Variants in CCSER1 observed in about 807,000 individuals in gnomAD.
CCSER1 encodes serine-rich coiled-coil domain-containing protein 1.
In CCSER1, 41 loss-of-function variants were observed where a neutral mutation model predicts 82.0. The ratio of observed to expected loss-of-function variants is 0.50; its 90% CI spans 0.39 to 0.65. The LOEUF (loss-of-function observed/expected upper bound fraction) is 0.65, where lower values mean the gene tolerates loss of function less well. CCSER1 is among the 30% of genes least tolerant of loss of function. CCSER1 has a pLI of 0.00. For missense variants in CCSER1, 1,119 were observed against 1,064.2 expected (o/e 1.05, Z -0.72); for synonymous variants, 414 against 383.9 (o/e 1.08, Z -0.92).
chr4:90,448,476 TATATATATAG>T (rs1231186644), intron 4 of CCSER1, among the ~76,000 whole-genome samples: 1 of 138,612 alleles, frequency 7.2e-6, no homozygotes, highest in African/African-American at 2.7e-5. Context: ...TATATATATA[TATATATATAG>T]CACTTTTCTT....
intron 1 of CCSER1, among the ~76,000 whole-genome samples, chr4:90,299,972 GT>G (rs1054430210): frequency 4.4e-4 from 67 of 150,808 alleles, no homozygotes; most frequent in Admixed American, 2.6e-3. Context: ...AATATCTGTT[GT>G]TTTTTTGGGG....
At chr4:91,455,899 T>C (rs1756140466) in intron 10 of CCSER1, among the ~76,000 whole-genome samples, 1 of 151,792 alleles carries the variant, frequency 6.6e-6, no homozygotes. Flanking sequence ...CGAGGGAAAA[T>C]TTTGTCTGCA....
chr4:90,937,649 A>T (rs953670959), intron 9 of CCSER1, among the ~76,000 whole-genome samples: 4 of 152,090 alleles, frequency 2.6e-5, no homozygotes, highest in African/African-American at 9.7e-5. Flanking sequence ...CTTTTATTCC[A>T]TCAACACTGA....
chr4:91,079,049 C>A (rs1251974388), intron 9 of CCSER1, among the ~76,000 whole-genome samples: 1 of 152,074 alleles, frequency 6.6e-6, no homozygotes, highest in Non-Finnish European at 1.5e-5. Flanking sequence ...CGAGGCAGGC[C>A]AACATTCAAA....
chr4:91,481,366 G>A (rs1757901326), intron 10 of CCSER1, among the ~76,000 whole-genome samples: 1 of 151,886 alleles, frequency 6.6e-6, no homozygotes, highest in Admixed American at 6.6e-5. Context: ...GTGTTCTCAC[G>A]TGATCTTTCC....
Position 91,167,873 on chromosome 4 carries a change from C to A in CCSER1, c.2217+81879C>A, listed in dbSNP as rs1169851688. On this transcript the variant is annotated intron_variant, in intron 10 of 10. Transcript: ENST00000509176. ...TTACAAACAAATTATGGCTGCTCAC[C>A]CCATCTGGGAACTGAGGAGTGCCTC... Among the ~76,000 whole-genome samples, 3 of 152,360 alleles carry A rather than the reference C, an allele frequency of 2.0e-5. No homozygotes were observed. The East Asian group carries it at 5.8e-4, about 29-fold the overall frequency.
chr4:90,305,005 T>G (rs1402154935), intron 1 of CCSER1, among the ~76,000 whole-genome samples: 1 of 151,718 alleles, frequency 6.6e-6, no homozygotes, highest in African/African-American at 2.4e-5. Context: ...CAACCTCCGC[T>G]TCCTGGGTTC....
chr4:90,504,372 A>G (rs1770383724), intron 5 of CCSER1, among the ~76,000 whole-genome samples: 1 of 152,194 alleles, frequency 6.6e-6, no homozygotes, highest in Non-Finnish European at 1.5e-5. Flanking sequence ...ATGTATACAC[A>G]CACATAAACA....
chr4:90,496,971 C>CAAAAAAAAAAAAAAAAA (rs771281710), intron 5 of CCSER1, among the ~76,000 whole-genome samples: 18 of 55,222 alleles, frequency 3.3e-4, no homozygotes, highest in African/African-American at 4.5e-4. Context: ...AGCGAGACTA[C>CAAAAAAAAAAAAAAAAA]AAAAAAAAAA....
intron 6 of CCSER1, among the ~76,000 whole-genome samples, chr4:90,682,160 G>C (rs1734004387): frequency 6.6e-6 from 1 of 151,264 alleles, no homozygotes; most frequent in African/African-American, 2.4e-5. Context: ...AATCATCTTG[G>C]AGAGTTCTTC....
At chr4:90,609,501 A>G (rs1338938254) in intron 5 of CCSER1, among the ~76,000 whole-genome samples, 4 of 152,122 alleles carry the variant, frequency 2.6e-5, no homozygotes, top group Admixed American at 2.0e-4. Context: ...CTTATTCTGA[A>G]AGAATAAATA....
intron 9 of CCSER1, among the ~76,000 whole-genome samples, chr4:91,081,576 G>A (rs1722748571): frequency 6.6e-6 from 1 of 152,046 alleles, no homozygotes; most frequent in African/African-American, 2.4e-5. Flanking sequence ...AATCAGGCAA[G>A]AGAAAGAAAT....
rs943712141 is a variant in CCSER1, at chr4:91,604,904, C to G, written c.*5847C>G. On this transcript the variant is annotated 3_prime_UTR_variant, in exon 11 of 11. Transcript: ENST00000509176. ...AAGACGTAATCCTGTCATGAGTTCTCTCTTCCAAAAAAGAATGCAAGAGAA... is the reference window on the plus strand; with the variant it reads ...AAGACGTAATCCTGTCATGAGTTCTGTCTTCCAAAAAAGAATGCAAGAGAA... 4.0e-5 allele frequency: 6 copies of G among 151,878 alleles called. No homozygotes were observed. The highest frequency in any genetic ancestry group is 1.4e-4 in the African/African-American group (6 of 41,400). 9.4% of individuals were successfully genotyped at this position (151,878 alleles called of 1,614,324 possible).
Position 91,438,186 on chromosome 4 carries a change from G to A in CCSER1, c.2218-160386G>A, listed in dbSNP as rs1433197269. 3.3e-5 allele frequency among the ~76,000 whole-genome samples: 5 copies of A among 152,198 alleles called. No individual in the cohort carries two copies. The East Asian group carries it at 9.6e-4, about 29-fold the overall frequency. ...AATGGGCAGACTACCTCCTCAAGTG[G>A]GTCCCTGACCCCTGACCCCTGAGCA... On this transcript the variant is annotated intron_variant, in intron 10 of 10. Coordinates refer to ENST00000509176, the MANE Select transcript of CCSER1 (RefSeq NM_001145065.2).
At chr4:91,307,061 T>C (rs1434373755) in intron 10 of CCSER1, among the ~76,000 whole-genome samples, 1 of 151,974 alleles carries the variant, frequency 6.6e-6, no homozygotes, top group Non-Finnish European at 1.5e-5. Context: ...TTATAAGATA[T>C]CAAAATTTCA....
intron 10 of CCSER1, chr4:91,129,924 T>C (rs1727852148): frequency 6.6e-6 from 1 of 152,050 alleles, no homozygotes; most frequent in South Asian, 2.1e-4. Flanking sequence ...AGTGAATTTC[T>C]TCTGTATATG....
intron 10 of CCSER1, among the ~76,000 whole-genome samples, chr4:91,352,282 ACT>A (rs1748523286): frequency 1.3e-5 from 2 of 152,226 alleles, no homozygotes; most frequent in Admixed American, 6.5e-5. Flanking sequence ...ACAGGGTCTC[ACT>A]CTGTCACCCA....
chr4:91,134,696 GACA>G (rs954484474), intron 10 of CCSER1, among the ~76,000 whole-genome samples: 34 of 152,248 alleles, frequency 2.2e-4, no homozygotes, highest in Admixed American at 2.0e-3. Context: ...AATTGATGCA[GACA>G]ACAATCTTCA....
intron 10 of CCSER1, among the ~76,000 whole-genome samples, chr4:91,401,032 G>A (rs1269086024): frequency 6.6e-6 from 1 of 151,648 alleles, no homozygotes; most frequent in Non-Finnish European, 1.5e-5. Context: ...TCAATCATCT[G>A]TTTTTCTTCG....
Sources: allele counts gnomAD v4.1 joint callset (sites outside exome capture counted in the v4.1 genomes callset), GRCh38; gene constraint gnomAD v4.1.1; transcripts MANE v1.5; gene names NCBI Gene and HGNC (gene_info 2026-07-23, HGNC 2026-07-21).